HEMK2: variants seen among roughly 807,000 people sequenced by gnomAD.
The protein encoded by HEMK2 is HemK methyltransferase 2, ETF1 glutamine and histone H4 lysine, also known as methyltransferase HEMK2.
chr21:28,684,953 AGTAATGTACT>A, the HEMK2 span, among the ~76,000 whole-genome samples: 1 of 152,266 alleles, frequency 6.6e-6, no homozygotes, highest in Non-Finnish European at 1.5e-5. Flanking sequence ...GATTTTCATC[AGTAATGTACT>A]ATTGCAATAG....
the HEMK2 span, among the ~76,000 whole-genome samples, chr21:28,601,118 C>T: frequency 1.1e-4 from 16 of 152,150 alleles, no homozygotes; most frequent in African/African-American, 2.9e-4. Flanking sequence ...TCCAAGCCAC[C>T]GGTATCGTGT....
the HEMK2 span, among the ~76,000 whole-genome samples, chr21:28,779,696 T>A: frequency 6.6e-6 from 1 of 152,184 alleles, no homozygotes; most frequent in African/African-American, 2.4e-5. Flanking sequence ...AGAAACTTTC[T>A]CTCTAGATCT....
chr21:28,862,736 T>C, the HEMK2 span, among the ~76,000 whole-genome samples: 3 of 152,194 alleles, frequency 2.0e-5, no homozygotes, highest in Admixed American at 1.3e-4. Flanking sequence ...GAGTATTTCC[T>C]CCTTTTGTTA....
chr21:28,606,195 C>T, the HEMK2 span, among the ~76,000 whole-genome samples: 1 of 149,568 alleles, frequency 6.7e-6, no homozygotes, highest in Non-Finnish European at 1.5e-5. Context: ...AAGCCCCAAG[C>T]ATTCAAAATT....
At chr21:28,643,170 C>A in the HEMK2 span, among the ~76,000 whole-genome samples, 2 of 152,210 alleles carry the variant, frequency 1.3e-5, no homozygotes, top group Admixed American at 6.5e-5. Context: ...GTGTCAGCAA[C>A]CACTTATTGC....
At chr21:28,629,869 C>T in the HEMK2 span, among the ~76,000 whole-genome samples, 2 of 152,132 alleles carry the variant, frequency 1.3e-5, no homozygotes, top group Non-Finnish European at 2.9e-5. Flanking sequence ...GCTTAGTCCA[C>T]TGGTCCAGAG....
the HEMK2 span, among the ~76,000 whole-genome samples, chr21:28,703,172 TAGG>T: frequency 6.6e-6 from 1 of 151,814 alleles, no homozygotes; most frequent in Admixed American, 6.6e-5. Flanking sequence ...GGAAAGAGAC[TAGG>T]AGGAGGATGA....
the HEMK2 span, among the ~76,000 whole-genome samples, chr21:28,578,281 G>T: frequency 1.3e-5 from 2 of 152,070 alleles, no homozygotes; most frequent in Admixed American, 6.6e-5. Context: ...AAATCTTTTT[G>T]CCCTCAGATA....
the HEMK2 span, among the ~76,000 whole-genome samples, chr21:28,586,491 C>T: frequency 5.3e-5 from 8 of 152,130 alleles, no homozygotes; most frequent in African/African-American, 1.7e-4. Flanking sequence ...TCTGCCATCT[C>T]AAAACCCCCA....
chr21:28,767,305 C>A, the HEMK2 span, among the ~76,000 whole-genome samples: 1 of 151,562 alleles, frequency 6.6e-6, no homozygotes, highest in Non-Finnish European at 1.5e-5. Flanking sequence ...TTTTCAGCAG[C>A]ATGAAAACAG....
chr21:28,681,507 C>A, the HEMK2 span, among the ~76,000 whole-genome samples: 2,225 of 152,174 alleles, frequency 0.015, 56 homozygotes, highest in African/African-American at 0.051. Context: ...ATGCCATCCC[C>A]ATCAAGCTAC....
At chr21:28,606,838 G>T in the HEMK2 span, among the ~76,000 whole-genome samples, 3 of 152,110 alleles carry the variant, frequency 2.0e-5, no homozygotes, top group Admixed American at 2.0e-4. Context: ...TCCATTAAAA[G>T]TATCTATGAT....
chr21:28,831,446 A>AAAAGGAAGAAAG, the HEMK2 span, among the ~76,000 whole-genome samples: 1 of 86,372 alleles, frequency 1.2e-5, no homozygotes, highest in Non-Finnish European at 2.0e-5. Flanking sequence ...CTCTATCTCA[A>AAAAGGAAGAAAG]AAAGAAAGAA....
At chr21:28,623,742 C>G in the HEMK2 span, among the ~76,000 whole-genome samples, 1 of 152,252 alleles carries the variant, frequency 6.6e-6, no homozygotes, top group Non-Finnish European at 1.5e-5. Context: ...AACAGAAAAC[C>G]AAACACCGCA....
At chr21:28,738,377 C>A in the HEMK2 span, among the ~76,000 whole-genome samples, 2 of 152,100 alleles carry the variant, frequency 1.3e-5, no homozygotes, top group Non-Finnish European at 2.9e-5. Context: ...GTGTTGGCAA[C>A]CTTTTGAGTG....
At chr21:28,781,102 T>G in the HEMK2 span, among the ~76,000 whole-genome samples, 1 of 152,242 alleles carries the variant, frequency 6.6e-6, no homozygotes, top group Non-Finnish European at 1.5e-5. Context: ...TTTCAGGTTT[T>G]TTTCAAAGCC....
chr21:28,632,250 C>T, the HEMK2 span, among the ~76,000 whole-genome samples: 4 of 152,294 alleles, frequency 2.6e-5, no homozygotes, highest in East Asian at 7.7e-4. Flanking sequence ...CTTAAATGTG[C>T]ATACAAATTC....
At chr21:28,641,384 G>A in the HEMK2 span, among the ~76,000 whole-genome samples, 6 of 152,284 alleles carry the variant, frequency 3.9e-5, no homozygotes, top group East Asian at 1.2e-3. Context: ...AACTTGCAGT[G>A]TGCCCCCCTC....
chr21:28,589,338 G>A, the HEMK2 span, among the ~76,000 whole-genome samples: 1 of 152,036 alleles, frequency 6.6e-6, no homozygotes, highest in African/African-American at 2.4e-5. Flanking sequence ...AGGAGATCAA[G>A]GGATTCCAAG....
Sources: allele counts gnomAD v4.1 joint callset (sites outside exome capture counted in the v4.1 genomes callset), GRCh38; gene constraint gnomAD v4.1.1; transcripts MANE v1.5; gene names NCBI Gene and HGNC (gene_info 2026-07-23, HGNC 2026-07-21).